ZNF618: variants seen among roughly 807,000 people sequenced by gnomAD.
ZNF618 encodes zinc finger protein 618.
In ZNF618, 34 loss-of-function variants were observed where a neutral mutation model predicts 103.0. That is an observed-to-expected ratio of 0.33 (90% CI 0.25 to 0.44). The LOEUF (loss-of-function observed/expected upper bound fraction) is 0.44. Ranked by LOEUF, ZNF618 falls within the 20% of genes least tolerant of loss-of-function variation. The probability of loss-of-function intolerance (pLI) is 1.00; values close to 1 mark genes in which losing one functional copy is unlikely to be tolerated. For missense variants in ZNF618, 1,059 were observed against 1,295.4 expected (o/e 0.82, Z 2.80); for synonymous variants, 551 against 542.2 (o/e 1.02, Z -0.23).
At chr9:114,008,046 AC>A (rs2133801197) in intron 7 of ZNF618, among the ~76,000 whole-genome samples, 1 of 152,068 alleles carries the variant, frequency 6.6e-6, no homozygotes, top group African/African-American at 2.4e-5. Context: ...GGCCCCTTGA[AC>A]CCATGATGGC....
At chr9:113,913,289 G>C (rs1236780107) in intron 1 of ZNF618, among the ~76,000 whole-genome samples, 1 of 152,242 alleles carries the variant, frequency 6.6e-6, no homozygotes, top group East Asian at 1.9e-4. Context: ...GTGTTAACTG[G>C]TAAGTGGTAG....
intron 13 of ZNF618, among the ~76,000 whole-genome samples, chr9:114,040,462 A>G (rs887354881): frequency 7.2e-5 from 11 of 151,770 alleles, no homozygotes; most frequent in Non-Finnish European, 1.5e-4. Context: ...TACATTAGGT[A>G]TATCTCCTAA....
intron 1 of ZNF618, among the ~76,000 whole-genome samples, chr9:113,967,975 C>G (rs190620980): frequency 2.0e-5 from 3 of 152,050 alleles, no homozygotes; most frequent in African/African-American, 4.8e-5. Context: ...TTGTTTGAAT[C>G]GAAGTCCGCC....
intron 2 of ZNF618, among the ~76,000 whole-genome samples, chr9:113,970,184 A>G (rs1242435769): frequency 6.6e-6 from 1 of 152,278 alleles, no homozygotes; most frequent in Non-Finnish European, 1.5e-5. Flanking sequence ...CCAGAGAGAG[A>G]GAGAGAGAAT....
intron 1 of ZNF618, among the ~76,000 whole-genome samples, chr9:113,959,715 C>T (rs1221910929): frequency 6.6e-6 from 1 of 152,254 alleles, no homozygotes; most frequent in African/African-American, 2.4e-5. Flanking sequence ...TCAAGCGATT[C>T]TCCTGCCTCA....
intron 2 of ZNF618, among the ~76,000 whole-genome samples, chr9:113,986,176 T>C (rs1479150799): frequency 1.3e-5 from 2 of 152,196 alleles, no homozygotes; most frequent in Non-Finnish European, 2.9e-5. Context: ...TTTCCATGTG[T>C]TCGTTGATTA....
intron 1 of ZNF618, 123 bp from the exon 2 acceptor site, chr9:113,968,994 C>A: frequency 8.9e-7 from 1 of 1,128,940 alleles, no homozygotes; most frequent in Non-Finnish European, 1.3e-6. Flanking sequence ...GGGACAGGGG[C>A]TTGTGGCCAG....
intron 1 of ZNF618, among the ~76,000 whole-genome samples, chr9:113,889,896 G>C (rs545286005): frequency 6.6e-6 from 1 of 152,344 alleles, no homozygotes; most frequent in South Asian, 2.1e-4. Flanking sequence ...GGGAGAATGA[G>C]ACTAATGTTG....
chr9:113,879,597 C>A (rs1828315447), intron 1 of ZNF618, among the ~76,000 whole-genome samples: 1 of 151,630 alleles, frequency 6.6e-6, no homozygotes, highest in Non-Finnish European at 1.5e-5. Flanking sequence ...GACATGTGAG[C>A]TAATTTTTAT....
At chr9:113,886,971 CTTTTTTTTTTT>C (rs57000343) in intron 1 of ZNF618, among the ~76,000 whole-genome samples, 31,757 of 109,702 alleles carry the variant, frequency 0.29, 4,008 homozygotes, top group Middle Eastern at 0.39. Context: ...TTACTTTCTA[CTTTTTTTTTTT>C]TTTTTTTTTT....
chr9:114,033,987 C>G (rs1235571433), intron 12 of ZNF618, among the ~76,000 whole-genome samples: 2 of 152,140 alleles, frequency 1.3e-5, no homozygotes, highest in Middle Eastern at 3.2e-3. Flanking sequence ...CACATATGAA[C>G]CCCAGCTCCA....
chr9:113,951,423 G>GTGTGTATATATATATACACACACATATA (rs1564206789), intron 1 of ZNF618, among the ~76,000 whole-genome samples: 1 of 4,474 alleles, frequency 2.2e-4, no homozygotes, highest in African/African-American at 9.4e-4. Context: ...ACACATATAT[G>GTGTGTATATATATATACACACACATATA]TGTGTGTGTA....
rs534276216 is a variant in ZNF618 at position 114,016,052 on chromosome 9, A to G, written c.755-643A>G. The G allele has an allele frequency of 6.8e-4, 1,018 of 1,494,536 alleles. 2 individuals are homozygous for G. The highest frequency in any genetic ancestry group is 8.5e-4 in the Non-Finnish European group (916 of 1,075,018). 92.6% of individuals were successfully genotyped at this position (1,494,536 alleles called of 1,614,324 possible). Reference sequence around the variant, plus strand: ...TTGTTTGGGGGTTACAGATGATTGAAATTTCTCTTTAGTTTTTATTCTGTA... The same window carrying G: ...TTGTTTGGGGGTTACAGATGATTGAGATTTCTCTTTAGTTTTTATTCTGTA... On this transcript the variant is annotated intron_variant, in intron 9 of 14. Coordinates refer to ENST00000374126, the MANE Select transcript of ZNF618 (RefSeq NM_001318042.2).
chr9:113,937,164 A>G (rs1834100671), intron 1 of ZNF618, among the ~76,000 whole-genome samples: 1 of 152,232 alleles, frequency 6.6e-6, no homozygotes, highest in Non-Finnish European at 1.5e-5. Flanking sequence ...GGAAGTTTTA[A>G]GAATAAGAAT....
rs1172327539 is a variant in ZNF618 at position 114,028,871 on chromosome 9, T to G, written c.983T>G (p.Val328Gly). The change falls in exon 11 of 15, where the codon GTG (valine) becomes GGG (glycine). Residue 328 changes from valine to glycine, a missense_variant. Transcript: ENST00000374126. ...NQSGKKAPAS[V>G]VRCATLLHRT... ...TCGGGGAAAAAAGCTCCGGCCTCCG[T>G]GGTCCGATGTGCCACCCTCTTACAC... is the stretch of plus-strand genomic sequence containing the variant. 1.3e-6 allele frequency: 2 copies of G among 1,550,644 alleles called. No individual in the cohort carries two copies. The highest frequency in any genetic ancestry group is 2.4e-5 in the South Asian group (2 of 84,060).
chr9:113,948,476 G>A (rs1564203048), intron 1 of ZNF618, among the ~76,000 whole-genome samples: 1 of 152,246 alleles, frequency 6.6e-6, no homozygotes, highest in Non-Finnish European at 1.5e-5. Flanking sequence ...TCACAGCTTT[G>A]CAGTTGTTGC....
At chr9:114,039,340 G>GTTTTTTTTTTTTTTTTTTTTCTTT (rs968810244) in intron 13 of ZNF618, among the ~76,000 whole-genome samples, 1 of 104,746 alleles carries the variant, frequency 9.5e-6, no homozygotes, top group Non-Finnish European at 2.1e-5. Flanking sequence ...TTTCTTGTTT[G>GTTTTTTTTTTTTTTTTTTTTCTTT]TTTTTTTTTT....
At chr9:113,926,108 G>A (rs1833064372) in intron 1 of ZNF618, among the ~76,000 whole-genome samples, 1 of 146,284 alleles carries the variant, frequency 6.8e-6, no homozygotes, top group Non-Finnish European at 1.5e-5. Flanking sequence ...TCTCCTTCAT[G>A]TTGGTAGGAT....
At chr9:113,986,128 C>T (rs545314955) in intron 2 of ZNF618, among the ~76,000 whole-genome samples, 2 of 152,296 alleles carry the variant, frequency 1.3e-5, no homozygotes, top group East Asian at 3.9e-4. Flanking sequence ...GTGACCATGT[C>T]TTGAGAGCAG....
Sources: allele counts gnomAD v4.1 joint callset (sites outside exome capture counted in the v4.1 genomes callset), GRCh38; gene constraint gnomAD v4.1.1; transcripts MANE v1.5; gene names NCBI Gene and HGNC (gene_info 2026-07-23, HGNC 2026-07-21).